The following MICAL2 variants were observed in gnomAD, a reference collection of about 807,000 sequenced individuals.
The protein encoded by MICAL2 is microtubule associated monooxygenase, calponin and LIM domain containing 2.
In MICAL2, 77 loss-of-function variants were observed where a neutral mutation model predicts 127.3. The observed-to-expected ratio is 0.60, with a 90% CI of 0.50 to 0.73. MICAL2 has a LOEUF of 0.73. Ranked by LOEUF, MICAL2 falls within the 30% of genes least tolerant of loss-of-function variation. The pLI, the probability that MICAL2 is intolerant of heterozygous loss-of-function variation, is 0.00. For missense variants in MICAL2, 1,351 were observed against 1,434.4 expected, an observed-to-expected ratio of 0.94 and a Z score of 0.94; for synonymous variants, 570 against 551.1, an observed-to-expected ratio of 1.03 and a Z score of -0.48.
chr11:12,262,715 C>A (rs1220788031), intron 27 of MICAL2, 178 bp downstream of exon 27: 2 of 602,368 alleles, frequency 3.3e-6, no homozygotes, highest in East Asian at 2.8e-5. Flanking sequence ...AGCTTGAGAC[C>A]CATGCCTGTG....
At chr11:12,338,872 C>G (rs1160183343) in intron 32 of MICAL2, among the ~76,000 whole-genome samples, 1 of 152,218 alleles carries the variant, frequency 6.6e-6, no homozygotes, top group Non-Finnish European at 1.5e-5. Context: ...ACCTTTCTCT[C>G]TGGCTGCCCT....
intron 29 of MICAL2, among the ~76,000 whole-genome samples, chr11:12,304,689 CACACAA>C (rs1286562442): frequency 2.3e-5 from 3 of 131,480 alleles, no homozygotes; most frequent in Non-Finnish European, 3.5e-5. Flanking sequence ...CACACACACA[CACACAA>C]AACATTCTTC....
At chr11:12,327,993 A>G (rs1485586557) in intron 32 of MICAL2, among the ~76,000 whole-genome samples, 3 of 152,208 alleles carry the variant, frequency 2.0e-5, no homozygotes, top group Non-Finnish European at 4.4e-5. Flanking sequence ...CTCATCTAAA[A>G]TGGGGATAAT....
chr11:12,285,197 A>T (rs1863812032), intron 2 of MICAL2, among the ~76,000 whole-genome samples: 1 of 151,946 alleles, frequency 6.6e-6, no homozygotes, highest in African/African-American at 2.4e-5. Context: ...GGGCTAAAAG[A>T]CCAGATGAGC....
downstream of MICAL2, chr11:12,293,763 C>A: frequency 6.2e-7 from 1 of 1,613,858 alleles, no homozygotes; most frequent in Non-Finnish European, 8.5e-7. Flanking sequence ...GAGATGACTT[C>A]TGATGAGTGC....
intron 1 of MICAL2, chr11:12,280,825 AG>A: frequency 2.5e-6 from 1 of 397,628 alleles, no homozygotes; most frequent in Non-Finnish European, 4.4e-6. Flanking sequence ...GACTAAGCCC[AG>A]GCCCCCCAGG....
At chr11:12,136,755 C>G (rs999510611) in intron 1 of MICAL2, among the ~76,000 whole-genome samples, 2 of 152,124 alleles carry the variant, frequency 1.3e-5, no homozygotes, top group Non-Finnish European at 2.9e-5. Flanking sequence ...TGGCTGGACA[C>G]AGTGTGCCCA....
At chr11:12,329,167 T>C (rs573130192) in intron 32 of MICAL2, among the ~76,000 whole-genome samples, 1 of 152,338 alleles carries the variant, frequency 6.6e-6, no homozygotes, top group Admixed American at 6.5e-5. Flanking sequence ...TTTTTTTTAC[T>C]ACAATGCACT....
chr11:12,187,352 TA>T (rs1459700971), intron 3 of MICAL2, among the ~76,000 whole-genome samples: 1 of 152,250 alleles, frequency 6.6e-6, no homozygotes, highest in Non-Finnish European at 1.5e-5. Context: ...TATTTTTTTC[TA>T]AATAATTAGT....
chr11:12,309,554 C>T (rs1017993167), intron 29 of MICAL2, among the ~76,000 whole-genome samples: 2 of 152,014 alleles, frequency 1.3e-5, no homozygotes, highest in African/African-American at 4.8e-5. Context: ...TATATATATA[C>T]CACATTTTCT....
At chr11:12,120,406 G>C (rs947063360) in intron 1 of MICAL2, among the ~76,000 whole-genome samples, 2 of 152,162 alleles carry the variant, frequency 1.3e-5, no homozygotes, top group African/African-American at 4.8e-5. Flanking sequence ...GCCCAGGCTC[G>C]GAGCTCACAG....
chr11:12,361,416 C>T (rs1939202704), downstream of MICAL2, among the ~76,000 whole-genome samples: 1 of 152,142 alleles, frequency 6.6e-6, no homozygotes, highest in African/African-American at 2.4e-5. Context: ...AGGTACCATC[C>T]CCAAATACAA....
intron 8 of MICAL2, among the ~76,000 whole-genome samples, chr11:12,217,107 C>G (rs539327979): frequency 1.3e-5 from 2 of 152,238 alleles, no homozygotes; most frequent in African/African-American, 4.8e-5. Context: ...GAAGCTTCTT[C>G]GGACAGGTGT....
downstream of MICAL2, among the ~76,000 whole-genome samples, chr11:12,267,730 T>C (rs933898945): frequency 6.6e-6 from 1 of 152,118 alleles, no homozygotes; most frequent in African/African-American, 2.4e-5. Context: ...GCCACCCGAG[T>C]AGCTGAGACT....
intron 29 of MICAL2, among the ~76,000 whole-genome samples, chr11:12,313,093 G>T (rs554662946): frequency 6.7e-6 from 1 of 149,176 alleles, no homozygotes; most frequent in East Asian, 2.0e-4. Context: ...GCGTGAACCG[G>T]AGAGGCGGAG....
At chr11:12,214,295 G>A (rs1387937227) in intron 7 of MICAL2, among the ~76,000 whole-genome samples, 1 of 152,176 alleles carries the variant, frequency 6.6e-6, no homozygotes, top group African/African-American at 2.4e-5. Context: ...AATAAAATCT[G>A]TATATGGAAA....
chr11:12,114,425 G>A (rs1849835118), intron 1 of MICAL2, among the ~76,000 whole-genome samples: 2 of 152,206 alleles, frequency 1.3e-5, no homozygotes, highest in Admixed American at 6.5e-5. Context: ...TTTGAACGAG[G>A]ATCCAGTTGG....
chr11:12,304,630 T>C (rs998332430), intron 29 of MICAL2, among the ~76,000 whole-genome samples: 1 of 142,670 alleles, frequency 7.0e-6, no homozygotes, highest in Admixed American at 7.3e-5. Context: ...AGCGAAACTC[T>C]GTCTCAAACA....
chr11:12,323,590 T>C (rs780860746), intron 30 of MICAL2, among the ~76,000 whole-genome samples: 1 of 152,122 alleles, frequency 6.6e-6, no homozygotes, highest in Admixed American at 6.5e-5. Flanking sequence ...TATTCTATTA[T>C]AGCAATTCCC....
Sources: gnomAD v4.1 joint callset for allele counts (sites outside exome capture counted in the v4.1 genomes callset) on GRCh38, gnomAD v4.1.1 for gene constraint, MANE v1.5 for transcripts, NCBI Gene and HGNC (gene_info 2026-07-23, HGNC 2026-07-21) for gene names.